Variants in BACE1 observed in about 807,000 individuals in gnomAD.
BACE1 encodes beta-secretase 1, also known as APP beta-secretase.
Under a neutral mutation model 54.0 loss-of-function variants are expected in BACE1, and 21 were observed. The observed-to-expected ratio is 0.39, with a 90% CI of 0.28 to 0.56. The LOEUF (loss-of-function observed/expected upper bound fraction) is 0.56. Ranked by LOEUF, BACE1 falls within the 20% of genes least tolerant of loss-of-function variation. BACE1 has a pLI of 0.63. For synonymous variants in BACE1, 232 were observed against 260.9 expected, an observed-to-expected ratio of 0.89 and a Z score of 1.07; for missense variants, 511 against 661.2, an observed-to-expected ratio of 0.77 and a Z score of 2.49.
chr11:117,291,478 C>A (rs975992999), intron 6 of BACE1, among the ~76,000 whole-genome samples: 7 of 152,022 alleles, frequency 4.6e-5, no homozygotes, highest in Non-Finnish European at 1.0e-4. Context: ...GGATTTCACC[C>A]TGTTGGTCAG....
At chr11:117,305,204 C>G (rs1565364782) in intron 1 of BACE1, among the ~76,000 whole-genome samples, 1 of 152,138 alleles carries the variant, frequency 6.6e-6, no homozygotes, top group Non-Finnish European at 1.5e-5. Flanking sequence ...AGTCCCAGAA[C>G]CTTGTGAGTC....
chr11:117,303,897 G>T (rs1030434308), intron 1 of BACE1, among the ~76,000 whole-genome samples: 1 of 152,210 alleles, frequency 6.6e-6, no homozygotes, highest in Non-Finnish European at 1.5e-5. Flanking sequence ...GAGACCTAGA[G>T]TGAGTAAGCA....
chr11:117,315,876 G>A lies in BACE1; in HGVS notation c.-81C>T. The A allele has an allele frequency of 7.4e-7, 1 of 1,352,858 alleles. No individual in the cohort carries two copies. The allele number at this position is 1,352,858 out of a possible 1,614,324, so 83.8% of individuals were successfully genotyped here. A position where few individuals can be genotyped will look rare whatever the true frequency, so the allele number is the denominator to read the frequency against. Reference sequence around the variant, plus strand: ...GCGCCTGCCCCCAAGTCTGGGTGGTGCTGGTGGCTTCTCAGGAGAGGGAGC... The same window carrying A: ...GCGCCTGCCCCCAAGTCTGGGTGGTACTGGTGGCTTCTCAGGAGAGGGAGC... On this transcript the variant is annotated 5_prime_UTR_variant, in exon 1 of 9. Transcript: ENST00000313005. The surrounding 1 kb of genome is among the most constrained non-coding windows in gnomAD (Gnocchi z 5.5).
In BACE1 at chr11:117,315,671, C is replaced by G; in HGVS notation, c.125G>C (p.Arg42Pro). Residue 42 changes from arginine (R) to proline (P), a missense_variant, in exon 1 of 9, where the codon CGG becomes CCG. This residue lies in a region of BACE1 where 104 missense variants were observed against 95.5 expected (regional missense o/e 1.09). Coordinates refer to ENST00000313005, the MANE Select transcript of BACE1 (RefSeq NM_012104.6). This position sits in a 1 kb window ranked among gnomAD's most constrained non-coding sequence, Gnocchi z 5.5. ...CTCTTCGTCGGTCTCCCGGGGCAGCCGCAGCCCCAGGGGGGCGCCCCCCAG... is the reference window on the plus strand; with the variant it reads ...CTCTTCGTCGGTCTCCCGGGGCAGCGGCAGCCCCAGGGGGGCGCCCCCCAG... ...SGLGGAPLGL[R>P]LPRETDEEPE... 6.5e-7 allele frequency: 1 copy of G among 1,544,296 alleles called. No individual in the cohort carries two copies. Among genetic ancestry groups the G allele is most frequent in the Non-Finnish European group, 8.7e-7 (1 of 1,147,740 alleles).
Position 117,290,482 on chromosome 11 carries a change from T to C in BACE1, c.1264+6A>G, listed in dbSNP as rs199579989. ...GACCCCAAACCCTCAGCCCTGGCAC[T>C]CTCACCATGGCAAGCGCTGACAGCA... On this transcript the variant is annotated splice_donor_region_variant and intron_variant, in intron 8 of 8. Transcript: ENST00000313005. 6.8e-6 allele frequency: 11 copies of C among 1,613,666 alleles called. No homozygotes were observed. The highest frequency in any genetic ancestry group is 9.3e-6 in the Non-Finnish European group (11 of 1,179,802).
chr11:117,296,510 A>G (rs1565360651), intron 2 of BACE1, among the ~76,000 whole-genome samples: 1 of 152,086 alleles, frequency 6.6e-6, no homozygotes, highest in Non-Finnish European at 1.5e-5. Context: ...GGTGTTAGAG[A>G]ACTGAGAGAC....
chr11:117,292,855 T>TC, intron 5 of BACE1, 199 bp downstream of exon 5: 1 of 558,486 alleles, frequency 1.8e-6, no homozygotes, highest in Non-Finnish European at 3.1e-6. Flanking sequence ...GTTTTTTTTT[T>TC]CACTACCAGT....
At chr11:117,309,026 AG>A (rs985370707) in intron 1 of BACE1, among the ~76,000 whole-genome samples, 3 of 152,162 alleles carry the variant, frequency 2.0e-5, no homozygotes, top group African/African-American at 7.2e-5. Flanking sequence ...CCTGACAAAA[AG>A]TCAGAGAGGT....
chr11:117,297,114 C>G (rs985063833), intron 1 of BACE1, 153 bp from the exon 2 acceptor site: 1 of 607,726 alleles, frequency 1.6e-6, no homozygotes, highest in Non-Finnish European at 2.9e-6. Flanking sequence ...GCACCCGTTA[C>G]CACCACGACC....
rs540722275 is a variant in BACE1 at position 117,312,031 on chromosome 11, T to G, written c.261+3504A>C. ...CAATAAATTCAGATTTTCCCTTATA[T>G]CTGAAGGCCAAAGTCCAAACCTTAT... On this transcript the variant is annotated intron_variant, in intron 1 of 8. Transcript: ENST00000313005. 9.2e-5 allele frequency among the ~76,000 whole-genome samples: 14 copies of G among 152,338 alleles called. No homozygotes were observed. The South Asian group carries it at 1.4e-3, about 16-fold the overall frequency.
chr11:117,310,061 A>G (rs1165505062), intron 1 of BACE1, among the ~76,000 whole-genome samples: 1 of 152,028 alleles, frequency 6.6e-6, no homozygotes, highest in African/African-American at 2.4e-5. Context: ...GGCATGCAGC[A>G]CCACACCTGG....
At chr11:117,308,474 G>A (rs540795408) in intron 1 of BACE1, among the ~76,000 whole-genome samples, 5 of 152,156 alleles carry the variant, frequency 3.3e-5, no homozygotes, top group East Asian at 3.9e-4. Flanking sequence ...GTCCCAGATC[G>A]TAGAACACAG....
rs569592034 is a variant in BACE1 at position 117,294,612 on chromosome 11, G to A, written c.567+519C>T. 7.9e-5 allele frequency among the ~76,000 whole-genome samples: 12 copies of A among 151,878 alleles called. 1 individual carries two copies. The East Asian group carries it at 2.4e-3, about 30-fold the overall frequency. On this transcript the variant is annotated intron_variant, in intron 3 of 8. Coordinates refer to ENST00000313005, the MANE Select transcript of BACE1 (RefSeq NM_012104.6). ...TAAAGATCTTAGAGTGGCTGGTCGC[G>A]GTGGTTCATGCCTGTAATCCCAGCA...
In BACE1 at chr11:117,293,096, C is replaced by T. The variant is rs757200517; in HGVS notation, c.798G>A (p.Arg266=). The change falls in exon 5 of 9, where the codon CGG becomes CGA. Residue 266 remains arginine (R), a synonymous_variant. Transcript: ENST00000313005. This position sits in a 1 kb window ranked among gnomAD's most constrained non-coding sequence, Gnocchi z 4.1. ...REWYYEVIIV[R]VEINGQDLKM... is the part of the protein sequence containing the mutation. ...TCAGATCCTGTCCATTGATCTCCAC[C>T]CGCACAATGATCACCTCATAATACC... The T allele has an allele frequency of 1.2e-6, 2 of 1,614,084 alleles. No homozygotes were observed. Among genetic ancestry groups the T allele is most frequent in the South Asian group, 1.1e-5 (1 of 91,052 alleles).
chr11:117,290,741 C>T, intron 7 of BACE1, 82 bp from the exon 8 acceptor site: 1 of 1,571,010 alleles, frequency 6.4e-7, no homozygotes, highest in Non-Finnish European at 8.6e-7. Flanking sequence ...TATGCCCTTC[C>T]CTTTACCATC....
chr11:117,303,086 G>C (rs1284549375), intron 1 of BACE1, among the ~76,000 whole-genome samples: 1 of 152,030 alleles, frequency 6.6e-6, no homozygotes, highest in Non-Finnish European at 1.5e-5. Context: ...CTGTTTTTTG[G>C]GTGGTGGGGG....
chr11:117,308,724 C>A (rs955123132), intron 1 of BACE1, among the ~76,000 whole-genome samples: 2 of 151,774 alleles, frequency 1.3e-5, no homozygotes, highest in African/African-American at 2.4e-5. Context: ...CTGAGGCGGG[C>A]GGTCACTTGA....
chr11:117,294,240 G>C, intron 3 of BACE1: 1 of 319,824 alleles, frequency 3.1e-6, no homozygotes, highest in Non-Finnish European at 5.6e-6. Flanking sequence ...TTTTGAGACA[G>C]AGTTTTGCTC....
chr11:117,303,303 A>T (rs923811519), intron 1 of BACE1, among the ~76,000 whole-genome samples: 2 of 152,216 alleles, frequency 1.3e-5, no homozygotes, highest in African/African-American at 4.8e-5. Context: ...GCCTGGGGTC[A>T]GAACTAGGTC....
Sources: gnomAD v4.1 joint callset for allele counts (sites outside exome capture counted in the v4.1 genomes callset) on GRCh38, gnomAD v4.1.1 for gene constraint, gnomAD v4.1.1 regional missense constraint, Gnocchi (gnomAD v3.1) non-coding constraint, MANE v1.5 for transcripts, NCBI Gene and HGNC (gene_info 2026-07-23, HGNC 2026-07-21) for gene names.